PTPRT: variants seen among roughly 807,000 people sequenced by gnomAD.
PTPRT encodes the protein receptor-type tyrosine-protein phosphatase T.
Under a neutral mutation model 176.8 loss-of-function variants are expected in PTPRT, and 56 were observed. The ratio of observed to expected loss-of-function variants is 0.32; its 90% CI spans 0.26 to 0.40. The LOEUF is 0.40. Among genes scored for constraint, PTPRT ranks in the 10% least tolerant of loss-of-function variants. The pLI, the probability that PTPRT is intolerant of heterozygous loss-of-function variation, is 1.00. For synonymous variants in PTPRT, 783 were observed against 739.0 expected (o/e 1.06, Z -0.96); for missense variants, 1,540 against 1,908.2 (o/e 0.81, Z 3.60).
At chr20:42,514,256 C>T (rs984819353) in intron 7 of PTPRT, among the ~76,000 whole-genome samples, 1 of 152,186 alleles carries the variant, frequency 6.6e-6, no homozygotes, top group African/African-American at 2.4e-5. Flanking sequence ...TCGGCACCCT[C>T]CTGCTCCCCA....
chr20:43,103,750 G>A (rs867430722), intron 1 of PTPRT, among the ~76,000 whole-genome samples: 3 of 146,082 alleles, frequency 2.1e-5, no homozygotes, highest in Non-Finnish European at 3.0e-5. Flanking sequence ...GGGGAGATCA[G>A]TAATAATAAT....
At chr20:42,928,722 G>A (rs1979645695) in intron 1 of PTPRT, among the ~76,000 whole-genome samples, 1 of 152,142 alleles carries the variant, frequency 6.6e-6, no homozygotes, top group African/African-American at 2.4e-5. Flanking sequence ...TATGTTCCAG[G>A]TATTGGAGCC....
chr20:42,535,953 A>G (rs2072469257), intron 7 of PTPRT, among the ~76,000 whole-genome samples: 4 of 152,172 alleles, frequency 2.6e-5, no homozygotes, highest in Admixed American at 2.6e-4. Flanking sequence ...TATAAACTGC[A>G]TATACAGATA....
intron 1 of PTPRT, among the ~76,000 whole-genome samples, chr20:43,083,357 T>TACAC (rs1298271341): frequency 7.9e-6 from 1 of 126,168 alleles, no homozygotes; most frequent in Non-Finnish European, 1.6e-5. Context: ...TATATATATA[T>TACAC]ATATATATAT....
intron 5 of PTPRT, among the ~76,000 whole-genome samples, chr20:42,758,917 A>C (rs1335933871): frequency 5.9e-5 from 9 of 152,256 alleles, no homozygotes; most frequent in Admixed American, 5.9e-4. Flanking sequence ...CAGCTTCCTC[A>C]TGCCTTGAGG....
chr20:43,078,023 T>C (rs1287813072), intron 1 of PTPRT, among the ~76,000 whole-genome samples: 1 of 152,226 alleles, frequency 6.6e-6, no homozygotes, highest in East Asian at 1.9e-4. Flanking sequence ...AGCATGTTCT[T>C]CATCACAGCA....
intron 17 of PTPRT, among the ~76,000 whole-genome samples, chr20:42,153,286 T>C (rs1026135626): frequency 1.3e-5 from 2 of 152,204 alleles, no homozygotes; most frequent in African/African-American, 4.8e-5. Flanking sequence ...GCCAGATTAG[T>C]GTTCATAAAA....
At chr20:42,460,461 ACCTCTG>A (rs1425403915) in intron 8 of PTPRT, among the ~76,000 whole-genome samples, 1 of 152,130 alleles carries the variant, frequency 6.6e-6, no homozygotes, top group Non-Finnish European at 1.5e-5. Context: ...GACCTGGCCA[ACCTCTG>A]GTATGGATAC....
At chr20:42,772,499 T>C (rs1457341827) in intron 4 of PTPRT, among the ~76,000 whole-genome samples, 1 of 152,206 alleles carries the variant, frequency 6.6e-6, no homozygotes, top group Non-Finnish European at 1.5e-5. Context: ...TGTTTTATAT[T>C]GGGTAACCTG....
At chr20:42,550,006 G>A (rs1380227242) in intron 7 of PTPRT, among the ~76,000 whole-genome samples, 2 of 152,140 alleles carry the variant, frequency 1.3e-5, no homozygotes, top group African/African-American at 4.8e-5. Flanking sequence ...TGAATGGCTC[G>A]AGATTTTGTA....
intron 8 of PTPRT, among the ~76,000 whole-genome samples, chr20:42,457,836 A>T (rs755754714): frequency 6.6e-6 from 1 of 152,122 alleles, no homozygotes; most frequent in South Asian, 2.1e-4. Flanking sequence ...TTACAATGAG[A>T]TCCTTCCACT....
intron 5 of PTPRT, among the ~76,000 whole-genome samples, chr20:42,762,311 T>C (rs2076926453): frequency 6.6e-6 from 1 of 152,074 alleles, no homozygotes. Context: ...ATTTAGGAGG[T>C]CTGGGGTGAG....
At chr20:42,111,620 CCAGT>C (rs1372343869) in intron 22 of PTPRT, among the ~76,000 whole-genome samples, 2 of 152,158 alleles carry the variant, frequency 1.3e-5, no homozygotes, top group South Asian at 2.1e-4. Context: ...TTACTGTGTG[CCAGT>C]CACTCTTCTG....
At chr20:42,238,491 C>T (rs998833176) in intron 14 of PTPRT, among the ~76,000 whole-genome samples, 2 of 152,172 alleles carry the variant, frequency 1.3e-5, no homozygotes, top group Admixed American at 6.5e-5. Context: ...CAGCCATACA[C>T]GTTAGCACTG....
intron 2 of PTPRT, among the ~76,000 whole-genome samples, chr20:42,823,983 T>C (rs1419405563): frequency 6.6e-6 from 1 of 151,898 alleles, no homozygotes; most frequent in Non-Finnish European, 1.5e-5. Context: ...TTATATAGCA[T>C]CAATAACCAC....
At chr20:42,568,259 G>A (rs1448780459) in intron 7 of PTPRT, among the ~76,000 whole-genome samples, 1 of 152,080 alleles carries the variant, frequency 6.6e-6, no homozygotes, top group Non-Finnish European at 1.5e-5. Flanking sequence ...GAGCCACCGC[G>A]CCCGGCTGAG....
intron 1 of PTPRT, among the ~76,000 whole-genome samples, chr20:43,178,432 C>A (rs1003180401): frequency 1.3e-5 from 2 of 152,134 alleles, no homozygotes; most frequent in African/African-American, 4.8e-5. Flanking sequence ...GAAAGCCACT[C>A]CCCCATTCCA....
At chr20:42,691,643 C>G (rs1746399970) in intron 6 of PTPRT, among the ~76,000 whole-genome samples, 2 of 152,212 alleles carry the variant, frequency 1.3e-5, no homozygotes, top group Admixed American at 1.3e-4. Flanking sequence ...CCTCATTCCC[C>G]TAGGGCTGCC....
intron 7 of PTPRT, among the ~76,000 whole-genome samples, chr20:42,476,426 G>A (rs943576886): frequency 6.6e-6 from 1 of 152,186 alleles, no homozygotes; most frequent in Admixed American, 6.5e-5. Flanking sequence ...GACCTTTGCT[G>A]TGCCTGGATC....
Sources: allele counts gnomAD v4.1 joint callset (sites outside exome capture counted in the v4.1 genomes callset), GRCh38; gene constraint gnomAD v4.1.1; transcripts MANE v1.5; gene names NCBI Gene and HGNC (gene_info 2026-07-23, HGNC 2026-07-21).